The following TRPA1 variants were observed in gnomAD, a reference collection of about 807,000 sequenced individuals.
TRPA1 encodes transient receptor potential cation channel subfamily A member 1, also known as ankyrin-like with transmembrane domains 1.
In TRPA1, 129 loss-of-function variants were observed where a neutral mutation model predicts 131.3. The observed-to-expected ratio is 0.98, with a 90% confidence interval of 0.85 to 1.14. TRPA1 has a LOEUF of 1.14. Among genes scored for constraint, TRPA1 ranks in the 50% most tolerant of loss-of-function variants. The pLI, the probability that TRPA1 is intolerant of heterozygous loss-of-function variation, is 0.00. For missense variants in TRPA1, 1,304 were observed against 1,354.2 expected, an observed-to-expected ratio of 0.96 and a Z score of 0.58; for synonymous variants, 441 against 451.7, an observed-to-expected ratio of 0.98 and a Z score of 0.30.
At chr8:72,052,991 G>GTGTT (rs1368389339) in intron 13 of TRPA1, 2 of 393,030 alleles carry the variant, frequency 5.1e-6, no homozygotes, top group African/African-American at 4.7e-5. Context: ...GTGTGTGTGT[G>GTGTT]TGTGAGAGAT....
chr8:72,034,481 A>C, intron 21 of TRPA1, 104 bp from the exon 22 acceptor site: 1 of 696,698 alleles, frequency 1.4e-6, no homozygotes, highest in Non-Finnish European at 2.3e-6. Context: ...GATTTCACAG[A>C]TGAGATCACT....
At position 72,022,885 on chromosome 8, in the gene TRPA1, C is replaced by T; in HGVS notation, c.*21G>A. 6.2e-7 allele frequency: 1 copy of T among 1,610,166 alleles called. No homozygotes were observed. On this transcript the variant is annotated 3_prime_UTR_variant, in exon 27 of 27. Transcript: ENST00000262209. ...CAAGTCATGCACCCCCCATTAGAAGCCTCACTGAAGGTCTGAGGAGCTAAG... is the reference window on the plus strand; with the variant it reads ...CAAGTCATGCACCCCCCATTAGAAGTCTCACTGAAGGTCTGAGGAGCTAAG...
At chr8:72,073,925 T>C (rs1466275951) in intron 1 of TRPA1, among the ~76,000 whole-genome samples, 1 of 152,198 alleles carries the variant, frequency 6.6e-6, no homozygotes, top group Non-Finnish European at 1.5e-5. Flanking sequence ...ACCGGACATG[T>C]CAACAGACTC....
intron 25 of TRPA1, among the ~76,000 whole-genome samples, chr8:72,024,691 G>A (rs1220824008): frequency 1.3e-5 from 2 of 152,134 alleles, no homozygotes; most frequent in Admixed American, 6.5e-5. Context: ...TGAATGTGAG[G>A]CACCTTTAAA....
At chr8:72,067,563 A>G (rs556692654) in intron 3 of TRPA1, among the ~76,000 whole-genome samples, 8 of 152,124 alleles carry the variant, frequency 5.3e-5, no homozygotes, top group East Asian at 1.9e-4. Context: ...CTAATTAACA[A>G]TAGTCTTTCA....
chr8:72,059,269 C>G, intron 8 of TRPA1, 121 bp downstream of exon 8: 1 of 685,276 alleles, frequency 1.5e-6, no homozygotes, highest in Non-Finnish European at 2.5e-6. Flanking sequence ...ATTTTGTATA[C>G]TTTTTGCTGA....
At chr8:72,032,653 CT>C in intron 23 of TRPA1, among the ~76,000 whole-genome samples, 1 of 152,200 alleles carries the variant, frequency 6.6e-6, no homozygotes. Flanking sequence ...CAATTCTCTT[CT>C]GGATAATTAT....
At chr8:72,034,971 G>C (rs1242330357) in intron 21 of TRPA1, among the ~76,000 whole-genome samples, 1 of 152,226 alleles carries the variant, frequency 6.6e-6, no homozygotes, top group East Asian at 1.9e-4. Context: ...AAATTAGAGA[G>C]ATAAATTGTG....
intron 15 of TRPA1, among the ~76,000 whole-genome samples, chr8:72,047,951 G>A (rs1219539921): frequency 6.6e-6 from 1 of 151,908 alleles, no homozygotes; most frequent in East Asian, 1.9e-4. Context: ...CTATGGTTTA[G>A]TTCCCATCTT....
At chr8:72,037,834 A>C in intron 20 of TRPA1, 149 bp downstream of exon 20, 1 of 614,866 alleles carries the variant, frequency 1.6e-6, no homozygotes, top group South Asian at 2.0e-5. Flanking sequence ...ACATTTTGAA[A>C]CATTTATGCT....
chr8:72,023,789 T>A, intron 26 of TRPA1, 25 bp downstream of exon 26: 1 of 1,311,396 alleles, frequency 7.6e-7, no homozygotes, highest in South Asian at 1.2e-5. Flanking sequence ...ATTTCTCAAG[T>A]ACAGATAGAA....
At chr8:72,055,986 A>G in intron 10 of TRPA1, 131 bp from the exon 11 acceptor site, 1 of 727,444 alleles carries the variant, frequency 1.4e-6, no homozygotes, top group Admixed American at 2.3e-5. Flanking sequence ...AATTGTAAAT[A>G]ACCTAAAGGA....
At chr8:72,085,072 T>C in the TRPA1 span, among the ~76,000 whole-genome samples, 1 of 151,516 alleles carries the variant, frequency 6.6e-6, no homozygotes, top group Non-Finnish European at 1.5e-5. Flanking sequence ...AATGCAAATA[T>C]TGAAAATGAT....
At chr8:72,082,352 T>G in the TRPA1 span, among the ~76,000 whole-genome samples, 2 of 152,042 alleles carry the variant, frequency 1.3e-5, no homozygotes, top group Non-Finnish European at 2.9e-5. Flanking sequence ...TTCTTCTTTT[T>G]AAACAATTTC....
intron 3 of TRPA1, among the ~76,000 whole-genome samples, chr8:72,068,291 G>A (rs539604387): frequency 1.3e-5 from 2 of 152,260 alleles, no homozygotes; most frequent in South Asian, 4.1e-4. Context: ...TTTGTAAATT[G>A]CATTCTTCAT....
chr8:72,085,968 T>C, the TRPA1 span, among the ~76,000 whole-genome samples: 1 of 152,182 alleles, frequency 6.6e-6, no homozygotes, highest in Non-Finnish European at 1.5e-5. Context: ...TGGTGTGATC[T>C]TGGCTCACCG....
In TRPA1 at chr8:72,026,082, C is replaced by T. The variant is rs373252295; in HGVS notation, c.2938-9G>A. 1 of 1,608,524 alleles carries T rather than the reference C, an allele frequency of 6.2e-7. No homozygotes were observed. On this transcript the variant is annotated splice_polypyrimidine_tract_variant and intron_variant, in intron 24 of 26. Coordinates refer to ENST00000262209, the MANE Select transcript of TRPA1 (RefSeq NM_007332.3). ...CTGGTATGAAGTTCCACCTAAAGTGCATTTTGGATTTATTGATAGAATCAT... is the reference window on the plus strand; with the variant it reads ...CTGGTATGAAGTTCCACCTAAAGTGTATTTTGGATTTATTGATAGAATCAT...
chr8:72,079,111 A>G (rs1418794907), upstream of TRPA1, among the ~76,000 whole-genome samples: 3 of 151,992 alleles, frequency 2.0e-5, no homozygotes, highest in Non-Finnish European at 4.4e-5. Flanking sequence ...TTACTATTAA[A>G]TTGTAAGAGT....
chr8:72,050,676 G>T (rs1245280147), intron 15 of TRPA1, 102 bp downstream of exon 15: 2 of 825,416 alleles, frequency 2.4e-6, no homozygotes, highest in Non-Finnish European at 4.1e-6. Context: ...TATGGAAAAT[G>T]AGAAGCTTTG....
Sources: allele counts gnomAD v4.1 joint callset (sites outside exome capture counted in the v4.1 genomes callset), GRCh38; gene constraint gnomAD v4.1.1; transcripts MANE v1.5; gene names NCBI Gene and HGNC (gene_info 2026-07-23, HGNC 2026-07-21).